The following TTC39B variants were observed in gnomAD, a reference collection of about 807,000 sequenced individuals.
The protein encoded by TTC39B is tetratricopeptide repeat domain 39B.
TTC39B carries 92 observed loss-of-function variants against 96.6 expected under a neutral mutation model. The observed-to-expected ratio is 0.95, with a 90% CI of 0.80 to 1.13. The LOEUF (loss-of-function observed/expected upper bound fraction) is 1.13. Among genes scored for constraint, TTC39B ranks in the 50% most tolerant of loss-of-function variants. The pLI, the probability that TTC39B is intolerant of heterozygous loss-of-function variation, is 0.00. For synonymous variants in TTC39B, 367 were observed against 299.4 expected (o/e 1.23, Z -2.33); for missense variants, 955 against 809.3 (o/e 1.18, Z -2.18).
chr9:15,304,460 T>C lies in TTC39B; in HGVS notation c.240+2624A>G, dbSNP rs1024102895. On this transcript the variant is annotated intron_variant, in intron 1 of 19. Coordinates refer to ENST00000512701, the Ensembl canonical transcript of TTC39B. ...CAATGAGGATGCAAGTCCTAACTTC[T>C]ATGCTCCCGAATTTATCATACTAGC... Among the ~76,000 whole-genome samples the C allele has an allele frequency of 2.6e-5, 4 of 152,336 alleles. No homozygotes were observed. The East Asian group carries it at 7.7e-4, about 29-fold the overall frequency.
intron 6 of TTC39B, among the ~76,000 whole-genome samples, chr9:15,204,967 G>C (rs1416290897): frequency 6.6e-6 from 1 of 152,176 alleles, no homozygotes; most frequent in Admixed American, 6.5e-5. Flanking sequence ...CAAGTCAGCA[G>C]ATTCTTGCTC....
intron 2 of TTC39B, among the ~76,000 whole-genome samples, chr9:15,234,598 G>A (rs1394601241): frequency 2.0e-5 from 3 of 152,140 alleles, no homozygotes; most frequent in Non-Finnish European, 4.4e-5. Flanking sequence ...GAGGGGAAAG[G>A]TGGGGAAAAG....
intron 2 of TTC39B, among the ~76,000 whole-genome samples, chr9:15,241,643 C>G (rs1822044246): frequency 6.6e-6 from 1 of 151,056 alleles, no homozygotes; most frequent in African/African-American, 2.4e-5. Flanking sequence ...GTGAACACAA[C>G]AGAATATGAA....
chr9:15,226,839 G>C (rs1821148197), intron 2 of TTC39B, among the ~76,000 whole-genome samples: 1 of 151,992 alleles, frequency 6.6e-6, no homozygotes, highest in South Asian at 2.1e-4. Flanking sequence ...AGTAAGTCCT[G>C]CCCTGTATTA....
intron 1 of TTC39B, among the ~76,000 whole-genome samples, chr9:15,289,478 C>A (rs750964318): frequency 6.6e-6 from 1 of 152,220 alleles, no homozygotes; most frequent in Non-Finnish European, 1.5e-5. Flanking sequence ...ACATTAGAAT[C>A]CCCATTTGCT....
intron 2 of TTC39B, among the ~76,000 whole-genome samples, chr9:15,233,111 A>G (rs1821522392): frequency 6.6e-6 from 1 of 152,160 alleles, no homozygotes; most frequent in Non-Finnish European, 1.5e-5. Flanking sequence ...GTCAGTCCAG[A>G]AGCCTTCAGA....
At chr9:15,202,018 G>T (rs1819569875) in intron 7 of TTC39B, among the ~76,000 whole-genome samples, 1 of 152,194 alleles carries the variant, frequency 6.6e-6, no homozygotes, top group African/African-American at 2.4e-5. Context: ...GAAAAGAGTA[G>T]ATAAGCACTT....
intron 2 of TTC39B, among the ~76,000 whole-genome samples, chr9:15,240,391 A>C (rs895341316): frequency 2.6e-5 from 4 of 152,228 alleles, no homozygotes; most frequent in Non-Finnish European, 2.9e-5. Flanking sequence ...ACTTCTCCCT[A>C]AATAATCTAT....
chr9:15,251,728 TATA>T (rs1337197312), intron 2 of TTC39B, among the ~76,000 whole-genome samples: 8 of 126,198 alleles, frequency 6.3e-5, no homozygotes, highest in African/African-American at 2.8e-4. Flanking sequence ...TATATATATA[TATA>T]TATATGTAGT....
chr9:15,222,547 T>C (rs1017465254), intron 3 of TTC39B, among the ~76,000 whole-genome samples: 2 of 152,184 alleles, frequency 1.3e-5, no homozygotes, highest in African/African-American at 4.8e-5. Flanking sequence ...CCTTCATGAT[T>C]GAGCCATTTG....
At chr9:15,182,379 T>C (rs1242277989) in exon 17 of TTC39B, 3 of 1,611,954 alleles carry the variant, frequency 1.9e-6, no homozygotes, top group African/African-American at 1.3e-5. Flanking sequence ...TTTCTTTTGC[T>C]CACTATTGAA....
intron 8 of TTC39B, among the ~76,000 whole-genome samples, chr9:15,197,999 A>C (rs556904050): frequency 6.6e-6 from 1 of 152,356 alleles, no homozygotes; most frequent in East Asian, 1.9e-4. Flanking sequence ...GAAGTTCTTT[A>C]GTCTGAAAGT....
Position 15,306,737 on chromosome 9 carries a change from G to T in TTC39B, c.240+347C>A, listed in dbSNP as rs1006521459. Among the ~76,000 whole-genome samples, 3 of 152,192 alleles carry T rather than the reference G, an allele frequency of 2.0e-5. No homozygotes were observed. Among genetic ancestry groups the T allele is most frequent in the African/African-American group, 7.2e-5 (3 of 41,446 alleles). The stretch of plus-strand genomic sequence containing the variant: ...CAGGGTCAGACTTCGTAAAGCCCAG[G>T]CGTCGCTGGGCCGGCCCGGAACAGC... On this transcript the variant is annotated intron_variant, in intron 1 of 19. Transcript: ENST00000512701. The surrounding 1 kb of genome is among the most constrained non-coding windows in gnomAD (Gnocchi z 5.1).
At chr9:15,304,503 T>C (rs769730558) in intron 1 of TTC39B, among the ~76,000 whole-genome samples, 6 of 152,178 alleles carry the variant, frequency 3.9e-5, no homozygotes, top group South Asian at 4.1e-4. Context: ...AAACACAAAT[T>C]AAAAAATCAA....
At chr9:15,198,054 G>A (rs1819277600) in intron 8 of TTC39B, among the ~76,000 whole-genome samples, 1 of 152,098 alleles carries the variant, frequency 6.6e-6, no homozygotes, top group Non-Finnish European at 1.5e-5. Flanking sequence ...TATGAAAAAT[G>A]GTAAGAATAT....
Position 15,189,634 on chromosome 9 carries a change from C to A in TTC39B, c.1174-1G>T, listed in dbSNP as rs375273691. 1 of 1,614,016 alleles carries A rather than the reference C, an allele frequency of 6.2e-7. No homozygotes were observed. Among genetic ancestry groups the A allele is most frequent in the African/African-American group, 1.3e-5 (1 of 74,912 alleles). ...CATGATAAAACAACACGAGTGAGCC[C>A]TGCAGAGCAAGGAAGAAAACACACT... On this transcript the variant is annotated splice_acceptor_variant, in intron 12 of 19. Coordinates refer to ENST00000512701, the Ensembl canonical transcript of TTC39B. LOFTEE classifies it high-confidence loss of function.
rs193066058 is a variant in TTC39B, at chr9:15,306,801, C to T, written c.240+283G>A. On this transcript the variant is annotated intron_variant, in intron 1 of 19. Coordinates refer to ENST00000512701, the Ensembl canonical transcript of TTC39B. The surrounding 1 kb of genome is among the most constrained non-coding windows in gnomAD (Gnocchi z 5.1). ...TCCTATGGTCCCGCGCCCTCACGCC[C>T]ATCCAAGTGCTGGCAGGACGTGGGT... 1.3e-5 allele frequency among the ~76,000 whole-genome samples: 2 copies of T among 152,194 alleles called. No individual in the cohort carries two copies. The highest frequency in any genetic ancestry group is 2.9e-5 in the Non-Finnish European group (2 of 68,024).
chr9:15,268,009 T>C, intron 1 of TTC39B, 61 bp from the exon 2 acceptor site: 2 of 1,518,968 alleles, frequency 1.3e-6, no homozygotes, highest in South Asian at 2.3e-5. Flanking sequence ...TCTCAAGAAT[T>C]CTAAAAGAGA....
intron 2 of TTC39B, among the ~76,000 whole-genome samples, chr9:15,260,014 G>GTGA (rs1822889188): frequency 6.6e-6 from 1 of 152,078 alleles, no homozygotes; most frequent in East Asian, 1.9e-4. Context: ...TTAGATTGTG[G>GTGA]TGATGGCTCT....
Sources: allele counts gnomAD v4.1 joint callset (sites outside exome capture counted in the v4.1 genomes callset), GRCh38; gene constraint gnomAD v4.1.1; non-coding constraint Gnocchi (gnomAD v3.1); transcripts MANE v1.5; gene names NCBI Gene and HGNC (gene_info 2026-07-23, HGNC 2026-07-21).